Variants in DNAJC6 observed in about 807,000 individuals in gnomAD.
The protein encoded by DNAJC6 is DnaJ heat shock protein family (Hsp40) member C6.
DNAJC6 carries 34 observed loss-of-function variants against 110.0 expected under a neutral mutation model. That is an observed-to-expected ratio of 0.31 (90% CI 0.24 to 0.41). The LOEUF is 0.41. Ranked by LOEUF, DNAJC6 falls within the 10% of genes least tolerant of loss-of-function variation. The pLI, the probability that DNAJC6 is intolerant of heterozygous loss-of-function variation, is 1.00. For synonymous variants in DNAJC6, 406 were observed against 437.2 expected, an observed-to-expected ratio of 0.93 and a Z score of 0.89; for missense variants, 1,031 against 1,207.8, an observed-to-expected ratio of 0.85 and a Z score of 2.17.
chr1:65,405,540 G>A (rs1378890742), intron 15 of DNAJC6, among the ~76,000 whole-genome samples: 1 of 152,114 alleles, frequency 6.6e-6, no homozygotes, highest in Non-Finnish European at 1.5e-5. Flanking sequence ...GGAAGAGCCA[G>A]GGTTCTTTTG....
Position 65,392,643 on chromosome 1 carries a change from G to A in DNAJC6, c.1681G>A (p.Gly561Arg). Residue 561 changes from glycine to arginine, a missense_variant, in exon 12 of 19, where the codon GGG becomes AGG. Gly to Arg is a moderately radical substitution (Grantham distance 125). Transcript: ENST00000371069. ...GGATGTGGACCTTTTGGGCCTGGAA[G>A]GGTCTGCAATGAGTAACAGCTTCTC... The part of the protein sequence containing the change: ...PEDVDLLGLE[G>R]SAMSNSFSPP... 1 of 1,613,448 alleles carries A rather than the reference G, an allele frequency of 6.2e-7. No homozygotes were observed. The highest frequency in any genetic ancestry group is 8.5e-7 in the Non-Finnish European group (1 of 1,179,714).
intron 11 of DNAJC6, among the ~76,000 whole-genome samples, chr1:65,391,686 GA>G (rs113399410): frequency 0.2 from 30,542 of 150,250 alleles, 6,994 homozygotes; most frequent in East Asian, 0.57. Flanking sequence ...CATAGTGCCT[GA>G]AAAAAAAAAT....
intron 14 of DNAJC6, among the ~76,000 whole-genome samples, chr1:65,399,496 C>T (rs1180298978): frequency 1.8e-4 from 28 of 152,332 alleles, no homozygotes. Flanking sequence ...ATCACAACAA[C>T]TTTCTGAAGC....
chr1:65,302,725 C>T lies in DNAJC6; in HGVS notation c.-131+37793C>T, dbSNP rs374803997. ...TAATTTTTTGTATTTTTAGTAGAGA[C>T]GGGGTTTCACCTTGTTAGCCAGGAT... is the stretch of plus-strand genomic sequence containing the variant. On this transcript the variant is annotated intron_variant, in intron 1 of 19. Transcript: ENST00000263441. Among the ~76,000 whole-genome samples, 592 of 150,256 alleles carry T rather than the reference C, an allele frequency of 3.9e-3. 2 individuals are homozygous for T. The highest frequency in any genetic ancestry group is 0.014 in the African/African-American group (578 of 40,870).
chr1:65,293,599 A>G (rs1644900828), intron 1 of DNAJC6, among the ~76,000 whole-genome samples: 1 of 152,170 alleles, frequency 6.6e-6, no homozygotes, highest in African/African-American at 2.4e-5. Context: ...AATATAAAAT[A>G]ATATTGCATT....
chr1:65,310,798 T>C (rs1645092357), intron 1 of DNAJC6, among the ~76,000 whole-genome samples: 2 of 152,230 alleles, frequency 1.3e-5, no homozygotes, highest in South Asian at 4.1e-4. Flanking sequence ...ATTTGCTTAC[T>C]TCTGCAGGGA....
At chr1:65,349,059 T>C in intron 1 of DNAJC6, among the ~76,000 whole-genome samples, 1 of 142,928 alleles carries the variant, frequency 7.0e-6, no homozygotes, top group Middle Eastern at 3.6e-3. Flanking sequence ...TAAAAATATA[T>C]ATGTAAATAC....
chr1:65,386,790 A>G lies in DNAJC6; in HGVS notation c.996-22A>G, dbSNP rs1347906551. On this transcript the variant is annotated intron_variant, in intron 7 of 18. Coordinates refer to ENST00000371069, the MANE Select transcript of DNAJC6 (RefSeq NM_001256864.2). Reference sequence around the variant, plus strand: ...ACCAGATTGGACTCTCTTTCAATGTATATTTTGGTCTGTGTTTACAGAGAA... The same window carrying G: ...ACCAGATTGGACTCTCTTTCAATGTGTATTTTGGTCTGTGTTTACAGAGAA... The G allele has an allele frequency of 2.5e-6, 4 of 1,583,418 alleles. 1 individual carries two copies. The South Asian group carries it at 4.4e-5, about 18-fold the overall frequency.
intron 4 of DNAJC6, among the ~76,000 whole-genome samples, chr1:65,372,667 G>A (rs531539002): frequency 3.9e-5 from 6 of 152,060 alleles, no homozygotes; most frequent in Admixed American, 3.9e-4. Context: ...ATTGCCTAAG[G>A]TTAATCAAGT....
At chr1:65,308,035 T>A (rs1199844925), upstream of DNAJC6, among the ~76,000 whole-genome samples, 1 of 152,184 alleles carries the variant, frequency 6.6e-6, no homozygotes, top group Non-Finnish European at 1.5e-5. Context: ...CCTACAAGAA[T>A]CTGTGTTTGG....
At chr1:65,294,114 T>G (rs1644905759) in intron 1 of DNAJC6, among the ~76,000 whole-genome samples, 1 of 152,206 alleles carries the variant, frequency 6.6e-6, no homozygotes, top group Non-Finnish European at 1.5e-5. Context: ...TCAGAGAAAA[T>G]GATAATGGTT....
chr1:65,389,446 G>C lies in DNAJC6; in HGVS notation c.1384G>C (p.Gly462Arg). 6.2e-7 allele frequency: 1 copy of C among 1,613,962 alleles called. No individual in the cohort carries two copies. The stretch of plus-strand genomic sequence containing the variant: ...GGAACATCAAGATACGCTGGCCTTA[G>C]GAGGTATGAGTCACCTGATGGTTTT... ...HQEHQDTLAL[G>R]GQAPIDIPPD... Residue 462 changes from glycine to arginine, a missense_variant, in exon 10 of 19, where the codon GGA becomes CGA. Physicochemically the swap from Gly to Arg is moderately radical, Grantham distance 125. Coordinates refer to ENST00000371069, the MANE Select transcript of DNAJC6 (RefSeq NM_001256864.2).
intron 1 of DNAJC6, among the ~76,000 whole-genome samples, chr1:65,283,475 C>T (rs1185053988): frequency 6.6e-6 from 1 of 152,150 alleles, no homozygotes; most frequent in Non-Finnish European, 1.5e-5. Flanking sequence ...GTACAACATG[C>T]ACCAACAGTC....
rs149898870 is a variant in DNAJC6 at position 65,366,069 on chromosome 1, A to G, written c.416A>G (p.Asn139Ser). The G allele has an allele frequency of 1.9e-5, 31 of 1,613,716 alleles. No homozygotes were observed. The highest frequency in any genetic ancestry group is 5.5e-5 in the South Asian group (5 of 91,084). The change falls in exon 4 of 19, where the codon AAT becomes AGT. Residue 139 changes from asparagine to serine, a missense_variant. Coordinates refer to ENST00000371069, the MANE Select transcript of DNAJC6 (RefSeq NM_001256864.2). ...RIIVMSFPLD[N>S]VDIGFRNQVD... Reference sequence around the variant, plus strand: ...CTAGTGATGTCCTTTCCTCTGGACAATGTTGACATAGGATTCAGGAATCAG... The same window carrying G: ...CTAGTGATGTCCTTTCCTCTGGACAGTGTTGACATAGGATTCAGGAATCAG...
At chr1:65,315,592 T>G (rs1292164471) in intron 1 of DNAJC6, among the ~76,000 whole-genome samples, 1 of 152,200 alleles carries the variant, frequency 6.6e-6, no homozygotes, top group Non-Finnish European at 1.5e-5. Context: ...ATATGTACAT[T>G]GTTCAATAAT....
chr1:65,280,220 A>T (rs1235866475), intron 1 of DNAJC6, among the ~76,000 whole-genome samples: 1 of 152,206 alleles, frequency 6.6e-6, no homozygotes, highest in Non-Finnish European at 1.5e-5. Flanking sequence ...CTGTGAAAAC[A>T]TTCATTGTCC....
At chr1:65,302,090 T>TTA (rs1214240916) in intron 1 of DNAJC6, among the ~76,000 whole-genome samples, 1 of 54,722 alleles carries the variant, frequency 1.8e-5, no homozygotes, top group South Asian at 6.4e-4. Context: ...ATTATATATA[T>TTA]TATATATATA....
intron 1 of DNAJC6, among the ~76,000 whole-genome samples, chr1:65,295,817 T>C (rs574599226): frequency 1.3e-5 from 2 of 152,340 alleles, no homozygotes; most frequent in South Asian, 2.1e-4. Flanking sequence ...GCTATTTTTT[T>C]CCTCCTATCA....
chr1:65,371,910 T>C (rs186736551), intron 4 of DNAJC6, among the ~76,000 whole-genome samples: 1 of 152,326 alleles, frequency 6.6e-6, no homozygotes, highest in Admixed American at 6.5e-5. Flanking sequence ...TTTGTTGGTT[T>C]TGTTTATGCC....
Sources: gnomAD v4.1 joint callset for allele counts (sites outside exome capture counted in the v4.1 genomes callset) on GRCh38, gnomAD v4.1.1 for gene constraint, MANE v1.5 for transcripts, NCBI Gene and HGNC (gene_info 2026-07-23, HGNC 2026-07-21) for gene names.